Variants in ROBO2 observed in about 807,000 individuals in gnomAD.
The protein encoded by ROBO2 is roundabout homolog 2.
In ROBO2, 53 loss-of-function variants were observed where a neutral mutation model predicts 160.8. The observed-to-expected ratio is 0.33, with a 90% CI of 0.26 to 0.41. ROBO2 has a LOEUF of 0.41. Ranked by LOEUF, ROBO2 falls within the 10% of genes least tolerant of loss-of-function variation. ROBO2 has a pLI of 1.00. For synonymous variants in ROBO2, 664 were observed against 611.7 expected (o/e 1.09, Z -1.26); for missense variants, 1,577 against 1,722.4 (o/e 0.92, Z 1.49).
At chr3:77,589,635 G>A (rs1311381613) in intron 17 of ROBO2, among the ~76,000 whole-genome samples, 1 of 152,070 alleles carries the variant, frequency 6.6e-6, no homozygotes, top group East Asian at 1.9e-4. Flanking sequence ...AGTTTCAAGG[G>A]TGTCCTATAA....
chr3:76,580,475 T>G (rs2085630729), intron 2 of ROBO2, among the ~76,000 whole-genome samples: 1 of 151,728 alleles, frequency 6.6e-6, no homozygotes, highest in Admixed American at 6.6e-5. Flanking sequence ...CTAAGCTTCA[T>G]TTGCTAAGGT....
At chr3:76,787,238 C>G (rs1211542589) in intron 2 of ROBO2, among the ~76,000 whole-genome samples, 1 of 151,018 alleles carries the variant, frequency 6.6e-6, no homozygotes, top group East Asian at 2.0e-4. Context: ...TAAAATTTTA[C>G]TTATGGACAG....
chr3:77,259,472 G>C (rs1170544758), intron 2 of ROBO2, among the ~76,000 whole-genome samples: 5 of 152,076 alleles, frequency 3.3e-5, no homozygotes, highest in African/African-American at 1.2e-4. Flanking sequence ...GAAAACAATA[G>C]GTTACTAAGA....
intron 2 of ROBO2, among the ~76,000 whole-genome samples, chr3:77,444,373 CT>C (rs1225719601): frequency 6.6e-6 from 1 of 151,998 alleles, no homozygotes; most frequent in Non-Finnish European, 1.5e-5. Context: ...TGTATAAAAC[CT>C]TCAAATTTTA....
chr3:76,735,786 A>AGCGG (rs1553886640), intron 2 of ROBO2, among the ~76,000 whole-genome samples: 11 of 126,612 alleles, frequency 8.7e-5, no homozygotes, highest in East Asian at 2.4e-4. Context: ...GAAAAAAAAA[A>AGCGG]GGGGAAAGGG....
At chr3:76,354,584 A>C (rs1421177684) in intron 2 of ROBO2, among the ~76,000 whole-genome samples, 2 of 151,862 alleles carry the variant, frequency 1.3e-5, no homozygotes, top group African/African-American at 4.8e-5. Flanking sequence ...TTATATATAA[A>C]ACCAGTAATA....
chr3:76,599,688 G>A (rs1433655279), intron 2 of ROBO2, among the ~76,000 whole-genome samples: 1 of 152,028 alleles, frequency 6.6e-6, no homozygotes, highest in African/African-American at 2.4e-5. Flanking sequence ...CATTCCTTTC[G>A]CTTCACAACC....
At chr3:77,314,409 ATG>A (rs1411298558) in intron 2 of ROBO2, among the ~76,000 whole-genome samples, 2 of 152,180 alleles carry the variant, frequency 1.3e-5, no homozygotes, top group Admixed American at 6.5e-5. Flanking sequence ...GTTATCTTTT[ATG>A]TGTTATTGAT....
At chr3:76,531,759 T>C (rs1022715683) in intron 2 of ROBO2, among the ~76,000 whole-genome samples, 1 of 152,060 alleles carries the variant, frequency 6.6e-6, no homozygotes, top group African/African-American at 2.4e-5. Flanking sequence ...ACTATTTTCT[T>C]AATTTTCCAA....
intron 2 of ROBO2, among the ~76,000 whole-genome samples, chr3:76,863,932 G>T (rs753581540): frequency 1.3e-5 from 2 of 151,806 alleles, no homozygotes; most frequent in African/African-American, 4.8e-5. Flanking sequence ...TAAATAAAAG[G>T]CAATCCTGAT....
At chr3:76,802,201 G>A (rs745895162) in intron 2 of ROBO2, among the ~76,000 whole-genome samples, 2 of 152,220 alleles carry the variant, frequency 1.3e-5, no homozygotes, top group Non-Finnish European at 2.9e-5. Context: ...TGACAGGCTT[G>A]CTTCATGCAG....
At chr3:77,422,143 C>T (rs1287779305) in intron 2 of ROBO2, among the ~76,000 whole-genome samples, 2 of 152,204 alleles carry the variant, frequency 1.3e-5, no homozygotes, top group African/African-American at 4.8e-5. Flanking sequence ...AGCCATTTAC[C>T]TAATTGCTGT....
chr3:77,505,208 A>G (rs2088294729), intron 5 of ROBO2, among the ~76,000 whole-genome samples: 1 of 152,202 alleles, frequency 6.6e-6, no homozygotes, highest in Non-Finnish European at 1.5e-5. Context: ...AGTAGCTTGG[A>G]ACAGAGAAAG....
At chr3:77,237,411 T>TGTGTGTGTGTGTGTGTGTGTGTGTGTG (rs1553862752) in intron 2 of ROBO2, among the ~76,000 whole-genome samples, 1 of 131,046 alleles carries the variant, frequency 7.6e-6, no homozygotes, top group African/African-American at 2.8e-5. Context: ...TTGTTTTGTT[T>TGTGTGTGTGTGTGTGTGTGTGTGTGTG]TGTGTGTGTG....
intron 2 of ROBO2, among the ~76,000 whole-genome samples, chr3:76,575,502 G>A (rs868487425): frequency 2.6e-5 from 4 of 151,994 alleles, no homozygotes; most frequent in African/African-American, 9.6e-5. Context: ...TGGTTAGCAA[G>A]GAATTATAAA....
intron 2 of ROBO2, among the ~76,000 whole-genome samples, chr3:76,394,281 T>G (rs1576902010): frequency 6.6e-6 from 1 of 152,152 alleles, no homozygotes; most frequent in Non-Finnish European, 1.5e-5. Flanking sequence ...TTCCTTTCCA[T>G]GTTTAGTGCT....
intron 2 of ROBO2, among the ~76,000 whole-genome samples, chr3:76,850,290 A>G (rs894906889): frequency 3.9e-5 from 6 of 152,180 alleles, no homozygotes; most frequent in Admixed American, 2.0e-4. Context: ...ACTTTCTTCC[A>G]TTATATATAT....
intron 7 of ROBO2, among the ~76,000 whole-genome samples, chr3:77,547,101 C>A (rs2092726493): frequency 6.6e-6 from 1 of 152,036 alleles, no homozygotes; most frequent in African/African-American, 2.4e-5. Context: ...AGGGCCCTCT[C>A]TGGGCAACAT....
intron 2 of ROBO2, among the ~76,000 whole-genome samples, chr3:76,579,827 G>A (rs542932346): frequency 1.1e-4 from 17 of 150,224 alleles, no homozygotes; most frequent in African/African-American, 4.1e-4. Context: ...ACAAAACTTT[G>A]AGTCTGTTCT....
Sources: gnomAD v4.1 joint callset for allele counts (sites outside exome capture counted in the v4.1 genomes callset) on GRCh38, gnomAD v4.1.1 for gene constraint, MANE v1.5 for transcripts, NCBI Gene and HGNC (gene_info 2026-07-23, HGNC 2026-07-21) for gene names.